PRKCE: variants seen among roughly 807,000 people sequenced by gnomAD.
PRKCE encodes the protein protein kinase C epsilon.
PRKCE carries 16 observed loss-of-function variants against 85.4 expected under a neutral mutation model. The ratio of observed to expected loss-of-function variants is 0.19; its 90% confidence interval spans 0.13 to 0.28. The LOEUF is 0.28. Ranked by LOEUF, PRKCE falls within the 10% of genes least tolerant of loss-of-function variation. The pLI, the probability that PRKCE is intolerant of heterozygous loss-of-function variation, is 1.00. For missense variants in PRKCE, 573 were observed against 975.2 expected (o/e 0.59, Z 5.49); for synonymous variants, 388 against 371.5 (o/e 1.04, Z -0.51).
intron 11 of PRKCE, among the ~76,000 whole-genome samples, chr2:46,113,415 A>G (rs903370421): frequency 1.3e-5 from 2 of 152,180 alleles, no homozygotes; most frequent in African/African-American, 4.8e-5. Flanking sequence ...TACCTTCCTC[A>G]CAGAATGTGG....
At chr2:46,030,812 C>G (rs1292874193) in intron 10 of PRKCE, among the ~76,000 whole-genome samples, 1 of 152,226 alleles carries the variant, frequency 6.6e-6, no homozygotes, top group Non-Finnish European at 1.5e-5. Context: ...GGGATAGTCC[C>G]TGTATTCCTG....
intron 2 of PRKCE, among the ~76,000 whole-genome samples, chr2:45,965,248 A>G (rs1161317456): frequency 6.6e-6 from 1 of 152,234 alleles, no homozygotes; most frequent in Non-Finnish European, 1.5e-5. Flanking sequence ...ATTCTTTGAC[A>G]TCACATAAAT....
intron 10 of PRKCE, among the ~76,000 whole-genome samples, chr2:46,069,261 A>G (rs534772463): frequency 1.3e-5 from 2 of 152,336 alleles, no homozygotes; most frequent in East Asian, 3.9e-4. Context: ...GGAAAGTGAA[A>G]TATCTCCAAA....
At position 45,904,234 on chromosome 2, in the gene PRKCE, T is replaced by C. The variant is rs62127259; in HGVS notation, c.412+61171T>C. 1.6e-4 allele frequency among the ~76,000 whole-genome samples: 24 copies of C among 152,226 alleles called. No homozygotes were observed. The East Asian group carries it at 4.4e-3, about 28-fold the overall frequency. On this transcript the variant is annotated intron_variant, in intron 2 of 14. Coordinates refer to ENST00000306156, the MANE Select transcript of PRKCE (RefSeq NM_005400.3). Reference sequence around the variant, plus strand: ...AAAAGCTTTTCAGCTTTTTAGATTCTCTTAAAAATGCAAACAAACAGACAA... The same window carrying C: ...AAAAGCTTTTCAGCTTTTTAGATTCCCTTAAAAATGCAAACAAACAGACAA...
intron 10 of PRKCE, among the ~76,000 whole-genome samples, chr2:46,032,968 A>C (rs775872383): frequency 3.3e-4 from 50 of 152,192 alleles, no homozygotes; most frequent in Non-Finnish European, 6.3e-4. Flanking sequence ...AGTAGCCGTC[A>C]GTGGTGCTTC....
At chr2:46,103,192 C>T (rs1297137012) in intron 11 of PRKCE, among the ~76,000 whole-genome samples, 1 of 152,182 alleles carries the variant, frequency 6.6e-6, no homozygotes, top group Non-Finnish European at 1.5e-5. Context: ...TATTACAGAT[C>T]TGCTTATTGG....
chr2:46,025,211 G>C (rs900684300), intron 10 of PRKCE, among the ~76,000 whole-genome samples: 9 of 152,204 alleles, frequency 5.9e-5, no homozygotes, highest in African/African-American at 2.2e-4. Context: ...TGGTGACTGA[G>C]GTGCAGCAGT....
intron 2 of PRKCE, among the ~76,000 whole-genome samples, chr2:45,947,343 T>C (rs181993638): frequency 5.9e-4 from 89 of 152,132 alleles, no homozygotes; most frequent in African/African-American, 2.0e-3. Context: ...GAATGAGGGA[T>C]GCCTGGTAAA....
chr2:45,675,187 C>T (rs955056651), intron 1 of PRKCE: 2 of 152,180 alleles, frequency 1.3e-5, no homozygotes, highest in Non-Finnish European at 2.9e-5. Context: ...CAAAATAGCA[C>T]AAGAAAACAC....
At chr2:45,871,313 C>A (rs926093772) in intron 2 of PRKCE, among the ~76,000 whole-genome samples, 1 of 152,172 alleles carries the variant, frequency 6.6e-6, no homozygotes, top group Admixed American at 6.5e-5. Context: ...CAGGTTCACA[C>A]GTGCAATTGC....
chr2:46,166,197 A>C (rs928257891), intron 14 of PRKCE, among the ~76,000 whole-genome samples: 23 of 152,230 alleles, frequency 1.5e-4, no homozygotes, highest in Admixed American at 8.5e-4. Flanking sequence ...TAGCGACCTG[A>C]GGAGGAGCCC....
intron 2 of PRKCE, among the ~76,000 whole-genome samples, chr2:45,868,939 C>A (rs1261248343): frequency 1.4e-5 from 2 of 138,108 alleles, no homozygotes; most frequent in Admixed American, 7.7e-5. Flanking sequence ...GCCTGAGTGA[C>A]AGAGCAACAT....
Position 46,077,607 on chromosome 2 carries a change from G to A in PRKCE, c.1438-8601G>A, listed in dbSNP as rs375708391. ...GGCTTTGAACAATGGGAGTTAGCAGGGGGTGAAGGCCTAGTAGAATAAGGG... is the reference window on the plus strand; with the variant it reads ...GGCTTTGAACAATGGGAGTTAGCAGAGGGTGAAGGCCTAGTAGAATAAGGG... On this transcript the variant is annotated intron_variant, in intron 10 of 14. Transcript: ENST00000306156. Among the ~76,000 whole-genome samples, 53 of 152,296 alleles carry A rather than the reference G, an allele frequency of 3.5e-4. No individual in the cohort carries two copies. The East Asian group carries it at 4.6e-3, about 13-fold the overall frequency.
chr2:45,969,877 C>G (rs149325702), intron 2 of PRKCE, among the ~76,000 whole-genome samples: 1 of 152,238 alleles, frequency 6.6e-6, no homozygotes, highest in Non-Finnish European at 1.5e-5. Flanking sequence ...CACATTTCTC[C>G]AGGTTTCTGT....
chr2:45,672,374 C>G (rs149175972), intron 1 of PRKCE, among the ~76,000 whole-genome samples: 5 of 152,230 alleles, frequency 3.3e-5, no homozygotes, highest in Non-Finnish European at 4.4e-5. Flanking sequence ...ATTCATCCAT[C>G]TCTACATCCA....
rs149395166 is a variant in PRKCE at position 45,783,361 on chromosome 2, C to T, written c.349-59639C>T. Reference sequence around the variant, plus strand: ...TTTTATATAAAAATCACTGTGTGCACTTGTGCACACATAGACCCCCACCCA... The same window carrying T: ...TTTTATATAAAAATCACTGTGTGCATTTGTGCACACATAGACCCCCACCCA... On this transcript the variant is annotated intron_variant, in intron 1 of 14. Coordinates refer to ENST00000306156, the MANE Select transcript of PRKCE (RefSeq NM_005400.3). Among the ~76,000 whole-genome samples, 386 of 152,292 alleles carry T rather than the reference C, an allele frequency of 2.5e-3. 2 individuals carry two copies. The highest frequency in any genetic ancestry group is 1.5e-3 in the East Asian group (8 of 5,182).
intron 1 of PRKCE, among the ~76,000 whole-genome samples, chr2:45,703,969 T>A (rs1678898260): frequency 6.6e-6 from 1 of 152,204 alleles, no homozygotes; most frequent in Admixed American, 6.5e-5. Context: ...AGATTTAAAT[T>A]TCACCTGGGT....
intron 1 of PRKCE, among the ~76,000 whole-genome samples, chr2:45,825,537 A>G (rs1006630932): frequency 1.3e-5 from 2 of 152,194 alleles, no homozygotes; most frequent in African/African-American, 4.8e-5. Context: ...CAAAAAGTGC[A>G]GACAGTTAGT....
intron 1 of PRKCE, among the ~76,000 whole-genome samples, chr2:45,710,350 C>T (rs934190904): frequency 6.6e-6 from 1 of 152,204 alleles, no homozygotes; most frequent in African/African-American, 2.4e-5. Context: ...AAAGTCCATA[C>T]CCTTGCCCAC....
Sources: allele counts gnomAD v4.1 joint callset (sites outside exome capture counted in the v4.1 genomes callset), GRCh38; gene constraint gnomAD v4.1.1; transcripts MANE v1.5; gene names NCBI Gene and HGNC (gene_info 2026-07-23, HGNC 2026-07-21).